SCN10A: variants seen among roughly 807,000 people sequenced by gnomAD.
SCN10A encodes sodium voltage-gated channel alpha subunit 10, also known as sodium channel protein type 10 subunit alpha.
Under a neutral mutation model 170.7 loss-of-function variants are expected in SCN10A, and 162 were observed. That is an observed-to-expected ratio of 0.95 (90% CI 0.84 to 1.08). The LOEUF is 1.08. Among genes scored for constraint, SCN10A ranks in the 50% least tolerant of loss-of-function variants. SCN10A has a pLI of 0.00. For missense variants in SCN10A, 2,527 were observed against 2,436.9 expected, an observed-to-expected ratio of 1.04 and a Z score of -0.78; for synonymous variants, 985 against 904.6, an observed-to-expected ratio of 1.09 and a Z score of -1.59.
Position 38,728,565 on chromosome 3 carries a change from C to T in SCN10A, c.2617G>A (p.Val873Met), listed in dbSNP as rs764470746. The change falls in exon 16 of 28, where the codon GTG (valine) becomes ATG (methionine). Residue 873 changes from valine (V) to methionine (M), a missense_variant. Val to Met is a conservative substitution (Grantham distance 21). Coordinates refer to ENST00000449082, the MANE Select transcript of SCN10A (RefSeq NM_006514.4). ...KSICLILFLT[V>M]MVLGNLVVLN... The stretch of plus-strand genomic sequence containing the variant: ...ACCACCAGGTTCCCTAGCACCATCA[C>T]CGTCAAGAAAAGGATGAGGCATATG... 2.3e-5 allele frequency: 36 copies of T among 1,595,500 alleles called. No homozygotes were observed. The highest frequency in any genetic ancestry group is 3.0e-5 in the Non-Finnish European group (35 of 1,167,976).
chr3:38,718,645 C>A lies in SCN10A; in HGVS notation c.3681+8G>T, dbSNP rs761368462. 14 of 1,613,710 alleles carry A rather than the reference C, an allele frequency of 8.7e-6. No individual in the cohort carries two copies. The highest frequency in any genetic ancestry group is 1.2e-5 in the Non-Finnish European group (14 of 1,179,846). On this transcript the variant is annotated splice_region_variant and intron_variant, in intron 21 of 27. Transcript: ENST00000449082. The stretch of plus-strand genomic sequence containing the variant: ...CCAAACCCCACGTGTTCCCACTGAG[C>A]CACTCACATTCACAATGAGGAAGTC...
chr3:38,754,405 C>A (rs1440402540), intron 11 of SCN10A, among the ~76,000 whole-genome samples: 4 of 152,188 alleles, frequency 2.6e-5, no homozygotes, highest in African/African-American at 9.7e-5. Flanking sequence ...CTCTTTATAC[C>A]AAGCACCTAG....
chr3:38,736,761 G>A (rs917138522), intron 15 of SCN10A, among the ~76,000 whole-genome samples: 1 of 151,886 alleles, frequency 6.6e-6, no homozygotes, highest in African/African-American at 2.4e-5. Context: ...TGTGGTTAGG[G>A]AATTGAGCAC....
chr3:38,786,071 G>A (rs2126054294), intron 4 of SCN10A, among the ~76,000 whole-genome samples: 1 of 152,220 alleles, frequency 6.6e-6, no homozygotes, highest in Non-Finnish European at 1.5e-5. Flanking sequence ...ACAGTGTGGT[G>A]ATTCCTCAAG....
chr3:38,736,085 G>C (rs1287544696), intron 15 of SCN10A, among the ~76,000 whole-genome samples: 1 of 152,206 alleles, frequency 6.6e-6, no homozygotes, highest in African/African-American at 2.4e-5. Flanking sequence ...TGAGCTAAGT[G>C]AAGACTAAAG....
intron 15 of SCN10A, among the ~76,000 whole-genome samples, chr3:38,734,623 T>C (rs1279183110): frequency 6.6e-6 from 1 of 152,162 alleles, no homozygotes; most frequent in East Asian, 1.9e-4. Context: ...AGAATAATTG[T>C]CTGATAAAAT....
chr3:38,709,378 G>C lies in SCN10A; in HGVS notation c.4281+100C>G, dbSNP rs141575712. ...CTGATATTAAAGTGATGGGCTGTGA[G>C]TAGTGTTGGCTTTTGTCAGGAGGCC... On this transcript the variant is annotated intron_variant, in intron 25 of 27. Coordinates refer to ENST00000449082, the MANE Select transcript of SCN10A (RefSeq NM_006514.4). 0.017 allele frequency: 19,787 copies of C among 1,197,128 alleles called. 231 individuals are homozygous for C. Among genetic ancestry groups the C allele is most frequent in the Middle Eastern group, 0.056 (278 of 4,938 alleles). The allele number at this position is 1,197,128 out of a possible 1,614,324, so 74.2% of individuals were successfully genotyped here. A position where few individuals can be genotyped will look rare whatever the true frequency, so the allele number is the denominator to read the frequency against.
At chr3:38,804,613 T>C (rs1191578555) in intron 1 of SCN10A, among the ~76,000 whole-genome samples, 8 of 152,152 alleles carry the variant, frequency 5.3e-5, no homozygotes, top group Non-Finnish European at 1.0e-4. Context: ...AAAAGAGCTT[T>C]TCACCTGACA....
chr3:38,712,464 A>G lies in SCN10A; in HGVS notation c.3805-19T>C. ...CCACCACCTGGTGGGAGATAGAGAA[A>G]GACCTGGAACCTCCCAATGCCCCAC... On this transcript the variant is annotated intron_variant, in intron 22 of 27. Transcript: ENST00000449082. The G allele has an allele frequency of 6.2e-7, 1 of 1,611,100 alleles. No homozygotes were observed. Among genetic ancestry groups the G allele is most frequent in the Non-Finnish European group, 8.5e-7 (1 of 1,178,114 alleles).
chr3:38,711,632 A>G (rs2063275125), intron 23 of SCN10A, among the ~76,000 whole-genome samples: 1 of 152,358 alleles, frequency 6.6e-6, no homozygotes, highest in African/African-American at 2.4e-5. Context: ...ACTGCATGAC[A>G]AATGTATAAG....
intron 5 of SCN10A, 75 bp downstream of exon 5, chr3:38,771,204 G>A (rs2063994875): frequency 6.5e-7 from 1 of 1,546,560 alleles, no homozygotes; most frequent in Admixed American, 1.7e-5. Context: ...GGACCTGCAT[G>A]TTAGCCCTGT....
Position 38,725,260 on chromosome 3 carries a change from G to T in SCN10A, c.3142C>A (p.Pro1048Thr), listed in dbSNP as rs745545483. Residue 1048 changes from proline (P) to threonine (T), a missense_variant, in exon 18 of 28, where the codon CCA becomes ACA. Physicochemically the swap from Pro to Thr is conservative, Grantham distance 38. Transcript: ENST00000449082. ...RCGDHLTPRS[P>T]GTGTSSEDLA... ...TCCTCAGAAGATGTTCCAGTGCCTG[G>T]GCTCCTGGGTGTCAGGTGGTCCCCA... 1.9e-6 allele frequency: 3 copies of T among 1,603,420 alleles called. No homozygotes were observed. Among genetic ancestry groups the T allele is most frequent in the South Asian group, 2.2e-5 (2 of 89,804 alleles).
chr3:38,755,635 A>G (rs1210445596), intron 11 of SCN10A, among the ~76,000 whole-genome samples, 153 bp downstream of exon 11: 2 of 151,942 alleles, frequency 1.3e-5, no homozygotes, highest in Non-Finnish European at 2.9e-5. Flanking sequence ...ACACTTTCCT[A>G]GTTTAAGACA....
chr3:38,733,901 G>A (rs575157657), intron 15 of SCN10A, among the ~76,000 whole-genome samples: 2 of 152,162 alleles, frequency 1.3e-5, no homozygotes, highest in East Asian at 3.9e-4. Context: ...TGTATTTTTG[G>A]TAGAGATGGG....
chr3:38,761,214 G>A lies in SCN10A; in HGVS notation c.861C>T (p.Thr287=). The A allele has an allele frequency of 1.2e-6, 2 of 1,607,694 alleles. No individual in the cohort carries two copies. The highest frequency in any genetic ancestry group is 1.7e-6 in the Non-Finnish European group (2 of 1,175,506). ...VKNDMAVNET[T]NYSSHRKPDI... is the part of the protein sequence containing the mutation. Reference sequence around the variant, plus strand: ...CACGTTTTCTGTGAGATGAGTAGTTGGTTGTCTCATTGACAGCCATGTCAT... The same window carrying A: ...CACGTTTTCTGTGAGATGAGTAGTTAGTTGTCTCATTGACAGCCATGTCAT... Residue 287 remains threonine, a synonymous_variant, in exon 7 of 28, where the codon ACC becomes ACT. Transcript: ENST00000449082.
chr3:38,759,558 G>A (rs925017035), intron 8 of SCN10A, among the ~76,000 whole-genome samples: 2 of 152,282 alleles, frequency 1.3e-5, no homozygotes, highest in East Asian at 1.9e-4. Flanking sequence ...CCACAGGGTA[G>A]CATCTTTATG....
intron 8 of SCN10A, among the ~76,000 whole-genome samples, chr3:38,757,992 G>A (rs1470530167): frequency 6.6e-6 from 1 of 152,146 alleles, no homozygotes. Flanking sequence ...AAACAGCAAT[G>A]CCTCGTTTGA....
At chr3:38,814,123 G>C (rs114276919) in intron 1 of SCN10A, among the ~76,000 whole-genome samples, 3,069 of 152,280 alleles carry the variant, frequency 0.02, 114 homozygotes, top group African/African-American at 0.07. Flanking sequence ...CAGAGGAAGA[G>C]AGGGAAGGCA....
At chr3:38,748,370 T>A (rs1357323848) in intron 13 of SCN10A, among the ~76,000 whole-genome samples, 2 of 152,218 alleles carry the variant, frequency 1.3e-5, no homozygotes, top group Non-Finnish European at 1.5e-5. Flanking sequence ...GAGTACACAT[T>A]TCTCAAAGCA....
Sources: gnomAD v4.1 joint callset for allele counts (sites outside exome capture counted in the v4.1 genomes callset) on GRCh38, gnomAD v4.1.1 for gene constraint, MANE v1.5 for transcripts, NCBI Gene and HGNC (gene_info 2026-07-23, HGNC 2026-07-21) for gene names.